Variants in TMCO5A observed in about 807,000 individuals in gnomAD.
TMCO5A encodes the protein transmembrane and coiled-coil domains 5A.
A neutral mutation model predicts 42.3 loss-of-function variants in TMCO5A; 34 were observed. The ratio of observed to expected loss-of-function variants is 0.80; its 90% CI spans 0.61 to 1.07. The LOEUF (loss-of-function observed/expected upper bound fraction) is 1.07. TMCO5A is among the 50% of genes least tolerant of loss of function. The pLI, the probability that TMCO5A is intolerant of heterozygous loss-of-function variation, is 0.00. For missense variants in TMCO5A, 357 were observed against 327.9 expected (o/e 1.09, Z -0.69); for synonymous variants, 131 against 115.6 (o/e 1.13, Z -0.86).
the TMCO5A span, among the ~76,000 whole-genome samples, chr15:37,991,538 C>T: frequency 3.3e-5 from 5 of 152,208 alleles, no homozygotes; most frequent in African/African-American, 1.2e-4. Context: ...TGAATACTCT[C>T]TGCTTCTCTT....
the TMCO5A span, among the ~76,000 whole-genome samples, chr15:38,014,175 A>G: frequency 1.3e-5 from 2 of 152,168 alleles, no homozygotes; most frequent in African/African-American, 2.4e-5. Context: ...ATGTAAGGTA[A>G]TATATTCATA....
In TMCO5A at chr15:37,942,406, C is replaced by G. The variant is rs531129185; in HGVS notation, c.569+151C>G. The G allele has an allele frequency of 7.2e-4, 465 of 649,056 alleles. 2 individuals are homozygous for G. The African/African-American group carries it at 7.7e-3, about 11-fold the overall frequency. 40.2% of individuals were successfully genotyped at this position (649,056 alleles called of 1,614,324 possible). ...CCTCTGTTAGTGATCTGGTTGACCC[C>G]AGTAGATCACACCAACTTAAAACTT... On this transcript the variant is annotated intron_variant, in intron 9 of 11. Coordinates refer to ENST00000319669, the MANE Select transcript of TMCO5A (RefSeq NM_152453.4).
In TMCO5A at chr15:37,936,952, G is replaced by A. The variant is rs753267606; in HGVS notation, c.246G>A (p.Glu82=). Residue 82 remains glutamate (E), a synonymous_variant, in exon 4 of 12, where the codon GAG becomes GAA. Coordinates refer to ENST00000319669, the MANE Select transcript of TMCO5A (RefSeq NM_152453.4). ...GGGAAAGAGCCTTGCAGGAGCTGGA[G>A]GAAGAAACAGCCAGACTTGTAAGCA... The part of the protein sequence containing the change: ...MERERALQEL[E]EETARLERKN... The A allele has an allele frequency of 6.2e-7, 1 of 1,612,390 alleles. No individual in the cohort carries two copies. The highest frequency in any genetic ancestry group is 8.5e-7 in the Non-Finnish European group (1 of 1,178,986).
intron 11 of TMCO5A, among the ~76,000 whole-genome samples, chr15:37,959,691 G>T (rs568839518): frequency 6.6e-6 from 1 of 151,914 alleles, no homozygotes; most frequent in African/African-American, 2.4e-5. Context: ...ATAGCTCAAC[G>T]TAATAAAAGC....
the TMCO5A span, among the ~76,000 whole-genome samples, chr15:38,003,667 C>T: frequency 6.6e-6 from 1 of 152,196 alleles, no homozygotes; most frequent in East Asian, 1.9e-4. Context: ...AGTCTCTCCC[C>T]ATGGTCACCA....
At chr15:37,952,533 G>C (rs1488803755), downstream of TMCO5A, among the ~76,000 whole-genome samples, 1 of 152,104 alleles carries the variant, frequency 6.6e-6, no homozygotes, top group Admixed American at 6.6e-5. Flanking sequence ...CCTGCTAACT[G>C]AAAAGCCTCT....
the TMCO5A span, among the ~76,000 whole-genome samples, chr15:37,998,714 T>C: frequency 6.6e-6 from 1 of 152,118 alleles, no homozygotes; most frequent in Non-Finnish European, 1.5e-5. Flanking sequence ...TTTTAGGATT[T>C]TTTTTTTATT....
chr15:37,985,062 A>G, the TMCO5A span, among the ~76,000 whole-genome samples: 21 of 152,084 alleles, frequency 1.4e-4, no homozygotes, highest in Admixed American at 3.9e-4. Context: ...GGGAAAAAAA[A>G]AAAACAACAG....
At chr15:37,978,869 G>A in the TMCO5A span, among the ~76,000 whole-genome samples, 1 of 152,266 alleles carries the variant, frequency 6.6e-6, no homozygotes, top group Admixed American at 6.5e-5. Context: ...GCCTCAGGGA[G>A]CTTTGACTCA....
chr15:38,039,714 A>C, the TMCO5A span, among the ~76,000 whole-genome samples: 1 of 152,260 alleles, frequency 6.6e-6, no homozygotes, highest in Non-Finnish European at 1.5e-5. Context: ...CTTGACAAGT[A>C]AACTCAGTGG....
At chr15:37,998,948 C>T in the TMCO5A span, among the ~76,000 whole-genome samples, 1 of 151,760 alleles carries the variant, frequency 6.6e-6, no homozygotes, top group Non-Finnish European at 1.5e-5. Flanking sequence ...CTCTTGTTGC[C>T]CAGGCTGGAG....
chr15:38,003,026 A>G, the TMCO5A span, among the ~76,000 whole-genome samples: 1 of 152,084 alleles, frequency 6.6e-6, no homozygotes, highest in Non-Finnish European at 1.5e-5. Context: ...CTTTTCAAAG[A>G]GATTTGGGCA....
chr15:37,950,100 T>A (rs1890107514), intron 11 of TMCO5A, among the ~76,000 whole-genome samples: 1 of 152,186 alleles, frequency 6.6e-6, no homozygotes. Flanking sequence ...ACCTTTATGG[T>A]GTAATCTAGG....
At chr15:37,966,285 G>T (rs76323324) in intron 11 of TMCO5A, among the ~76,000 whole-genome samples, 1 of 150,812 alleles carries the variant, frequency 6.6e-6, no homozygotes, top group Non-Finnish European at 1.5e-5. Context: ...AATGCTTAGT[G>T]GTTTTTTTTT....
the TMCO5A span, among the ~76,000 whole-genome samples, chr15:38,016,794 C>T: frequency 6.6e-6 from 1 of 152,290 alleles, no homozygotes; most frequent in Admixed American, 6.5e-5. Context: ...TGCCTTAACA[C>T]TGTCAAAAAG....
At chr15:38,011,417 G>A in the TMCO5A span, among the ~76,000 whole-genome samples, 1 of 152,160 alleles carries the variant, frequency 6.6e-6, no homozygotes, top group Non-Finnish European at 1.5e-5. Context: ...GAGTGTGTGT[G>A]TGCGATGGTG....
the TMCO5A span, among the ~76,000 whole-genome samples, chr15:38,012,059 G>C: frequency 6.6e-6 from 1 of 152,076 alleles, no homozygotes; most frequent in Admixed American, 6.5e-5. Flanking sequence ...GGGAGGCGGA[G>C]GTTGCCGTGA....
chr15:37,951,218 A>T lies in TMCO5A; in HGVS notation c.851A>T (p.Asp284Val). Residue 284 changes from aspartate to valine, a missense_variant, in exon 12 of 12, where the codon GAC (aspartate) becomes GTC (valine). Transcript: ENST00000319669. The stretch of plus-strand genomic sequence containing the variant: ...CCATCTCTCACACTTGAGACAGAGG[A>T]CATGTTACCCCACTGATTCCCTAAG... The part of the protein sequence containing the change: ...FFPSLTLETE[D>V]MLPH 1 of 1,613,696 alleles carries T rather than the reference A, an allele frequency of 6.2e-7. No individual in the cohort carries two copies. The highest frequency in any genetic ancestry group is 1.3e-5 in the African/African-American group (1 of 75,014).
chr15:38,009,841 A>T, the TMCO5A span, among the ~76,000 whole-genome samples: 1 of 152,244 alleles, frequency 6.6e-6, no homozygotes, highest in Non-Finnish European at 1.5e-5. Flanking sequence ...GTGAAAATGC[A>T]TATAAAGTGT....
Sources: gnomAD v4.1 joint callset for allele counts (sites outside exome capture counted in the v4.1 genomes callset) on GRCh38, gnomAD v4.1.1 for gene constraint, MANE v1.5 for transcripts, NCBI Gene and HGNC (gene_info 2026-07-23, HGNC 2026-07-21) for gene names.